The following DGKH variants were observed in gnomAD, a reference collection of about 807,000 sequenced individuals.
The protein encoded by DGKH is diacylglycerol kinase eta.
DGKH carries 90 observed loss-of-function variants against 159.3 expected under a neutral mutation model. The observed-to-expected ratio is 0.57, with a 90% confidence interval of 0.48 to 0.67. The LOEUF (loss-of-function observed/expected upper bound fraction) is 0.67, where lower values mean the gene tolerates loss of function less well. Ranked by LOEUF, DGKH falls within the 30% of genes least tolerant of loss-of-function variation. The pLI is 0.00. For missense variants in DGKH, 1,181 were observed against 1,506.1 expected (o/e 0.78, Z 3.57); for synonymous variants, 536 against 553.8 (o/e 0.97, Z 0.45).
chr13:42,077,176 CCT>C (rs1195024153), intron 1 of DGKH, among the ~76,000 whole-genome samples: 2 of 151,942 alleles, frequency 1.3e-5, no homozygotes, highest in Non-Finnish European at 2.9e-5. Flanking sequence ...TAACATAGCC[CCT>C]GAGAGACTGG....
At chr13:42,211,493 T>G (rs1957657150) in intron 24 of DGKH, among the ~76,000 whole-genome samples, 1 of 151,678 alleles carries the variant, frequency 6.6e-6, no homozygotes. Flanking sequence ...AGGTCAGGAG[T>G]TCGAGACCAG....
chr13:42,160,238 GA>G, intron 7 of DGKH, 102 bp downstream of exon 7: 1 of 1,492,952 alleles, frequency 6.7e-7, no homozygotes, highest in Non-Finnish European at 9.3e-7. Flanking sequence ...TGACAGAGCT[GA>G]ACCTGGTAGC....
At chr13:42,219,411 C>G in intron 27 of DGKH, 62 bp downstream of exon 27, 4 of 1,566,812 alleles carry the variant, frequency 2.6e-6, no homozygotes, top group Non-Finnish European at 3.5e-6. Context: ...AATTTGAACT[C>G]ATCTTTGAAA....
intron 1 of DGKH, among the ~76,000 whole-genome samples, chr13:42,090,992 C>G (rs768246473): frequency 7.2e-5 from 11 of 152,210 alleles, no homozygotes; most frequent in Non-Finnish European, 1.5e-4. Context: ...CTCACCAACA[C>G]TGAACCTGCA....
In DGKH at chr13:42,160,131, A is replaced by G; in HGVS notation, c.850A>G (p.Thr284Ala). Reference sequence around the variant, plus strand: ...GGATTGGAAATGCCTTTGGTGTAAGACAATGGTGAGGGTTTTGGAATCAGT... The same window carrying G: ...GGATTGGAAATGCCTTTGGTGTAAGGCAATGGTGAGGGTTTTGGAATCAGT... ...LQDWKCLWCK[T>A]MVHTACKDLY... Residue 284 changes from threonine to alanine, a missense_variant, in exon 7 of 30, where the codon ACA becomes GCA. Transcript: ENST00000337343. 1.2e-6 allele frequency: 2 copies of G among 1,614,238 alleles called. No individual in the cohort carries two copies. The highest frequency in any genetic ancestry group is 2.2e-5 in the South Asian group (2 of 91,088).
Position 42,241,353 on chromosome 13 carries a change from G to C in DGKH, c.*12165G>C, listed in dbSNP as rs1209719296. 2 of 152,152 alleles carry C rather than the reference G, an allele frequency of 1.3e-5. No homozygotes were observed. Among genetic ancestry groups the C allele is most frequent in the African/African-American group, 2.4e-5 (1 of 41,442 alleles). The allele number at this position is 152,152 out of a possible 1,614,324, so 9.4% of individuals were successfully genotyped here. ...ACCGAGTGTTTTTCAGGTTACTTCA[G>C]AGAGGAGTCTCCTTCCACCCAAAAA... is the stretch of plus-strand genomic sequence containing the variant. On this transcript the variant is annotated 3_prime_UTR_variant, in exon 30 of 30. Coordinates refer to ENST00000337343, the MANE Select transcript of DGKH (RefSeq NM_178009.5).
At chr13:42,055,525 A>G (rs1593958024) in intron 1 of DGKH, among the ~76,000 whole-genome samples, 1 of 152,214 alleles carries the variant, frequency 6.6e-6, no homozygotes, top group Non-Finnish European at 1.5e-5. Flanking sequence ...AAGTATCTAA[A>G]TTTAGAACTC....
At chr13:42,138,015 G>C in intron 3 of DGKH, 1 of 849,622 alleles carries the variant, frequency 1.2e-6, no homozygotes, top group Non-Finnish European at 1.4e-6. Context: ...GATAGAACAG[G>C]CCCCTTGTGA....
chr13:42,149,879 C>T (rs1955832628), intron 3 of DGKH, among the ~76,000 whole-genome samples: 1 of 152,162 alleles, frequency 6.6e-6, no homozygotes. Context: ...TTTTCAAACA[C>T]TTGTTTATTG....
rs1039075924 is a variant in DGKH, at chr13:42,238,837, T to G, written c.*9649T>G. 13 of 152,172 alleles carry G rather than the reference T, an allele frequency of 8.5e-5. No individual in the cohort carries two copies. Among genetic ancestry groups the G allele is most frequent in the Admixed American group, 4.6e-4 (7 of 15,274 alleles). The allele number at this position is 152,172 out of a possible 1,614,324, so 9.4% of individuals were successfully genotyped here. On this transcript the variant is annotated 3_prime_UTR_variant, in exon 30 of 30. Coordinates refer to ENST00000337343, the MANE Select transcript of DGKH (RefSeq NM_178009.5). ...GAGTCAGTGAACGATGACTTGATTT[T>G]TACATGACATTTGAATTCTGTCACT... is the stretch of plus-strand genomic sequence containing the variant.
intron 21 of DGKH, among the ~76,000 whole-genome samples, chr13:42,206,814 T>G (rs1957484838): frequency 6.6e-6 from 1 of 152,036 alleles, no homozygotes; most frequent in Non-Finnish European, 1.5e-5. Context: ...TCACCCAGGA[T>G]CATCCCCATC....
chr13:42,228,554 C>G (rs1375612731), intron 29 of DGKH, among the ~76,000 whole-genome samples: 6 of 151,522 alleles, frequency 4.0e-5, no homozygotes, highest in Non-Finnish European at 8.8e-5. Flanking sequence ...TTGTGGGTGC[C>G]CTGCTGTCCC....
chr13:42,203,118 A>C (rs1023664123), intron 20 of DGKH, among the ~76,000 whole-genome samples: 4 of 152,306 alleles, frequency 2.6e-5, no homozygotes, highest in Non-Finnish European at 4.4e-5. Context: ...TTAGTTTATT[A>C]TATTAATAGT....
chr13:42,173,530 G>A lies in DGKH; in HGVS notation c.1368-530G>A, dbSNP rs79817827. ...TTCTTAATTTAAGAAGGGGTATTTA[G>A]CTAATTTTCATTTTATGTATGTATA... On this transcript the variant is annotated intron_variant, in intron 11 of 29. Transcript: ENST00000337343. Among the ~76,000 whole-genome samples the A allele has an allele frequency of 3.5e-3, 539 of 152,228 alleles. 8 individuals carry two copies. The East Asian group carries it at 0.047, about 13-fold the overall frequency.
chr13:42,168,632 C>G, intron 10 of DGKH, 47 bp from the exon 11 acceptor site: 1 of 1,613,696 alleles, frequency 6.2e-7, no homozygotes, highest in East Asian at 2.2e-5. Context: ...GCAGTAGTCC[C>G]TATTTCTCAA....
chr13:42,207,082 T>C (rs61367495), intron 21 of DGKH, among the ~76,000 whole-genome samples: 18 of 134,848 alleles, frequency 1.3e-4, no homozygotes, highest in African/African-American at 4.0e-4. Context: ...TCTTTCTTTC[T>C]TTCTTTCTTT....
chr13:42,197,776 T>C (rs1367592179), intron 17 of DGKH, among the ~76,000 whole-genome samples: 1 of 152,184 alleles, frequency 6.6e-6, no homozygotes, highest in Non-Finnish European at 1.5e-5. Flanking sequence ...CTTGTTCTTG[T>C]AGGTTCCTAT....
Position 42,048,828 on chromosome 13 carries a change from G to T in DGKH, c.55G>T (p.Ala19Ser). Residue 19 changes from alanine to serine, a missense_variant, in exon 1 of 30, where the codon GCC becomes TCC. By Grantham distance (99) the Ala-to-Ser change is moderately conservative. Transcript: ENST00000337343. This position sits in a 1 kb window ranked among gnomAD's most constrained non-coding sequence, Gnocchi z 6.7. Reference sequence around the variant, plus strand: ...TCCGGGCGCCGCTGGAGGAGCGGCCGCCGGAGCCGGCGCCGCGGTCACCTC... The same window carrying T: ...TCCGGGCGCCGCTGGAGGAGCGGCCTCCGGAGCCGGCGCCGCGGTCACCTC... ...HPPGAAGGAA[A>S]GAGAAVTSAA... 7.5e-7 allele frequency: 1 copy of T among 1,339,700 alleles called. No homozygotes were observed. The highest frequency in any genetic ancestry group is 1.5e-5 in the African/African-American group (1 of 65,602). 83.0% of individuals were successfully genotyped at this position (1,339,700 alleles called of 1,614,324 possible).
chr13:42,058,304 A>G (rs1881904193), intron 1 of DGKH, among the ~76,000 whole-genome samples: 1 of 152,236 alleles, frequency 6.6e-6, no homozygotes, highest in Non-Finnish European at 1.5e-5. Flanking sequence ...GATGCATGAA[A>G]AAGTGTTATT....
Sources: gnomAD v4.1 joint callset for allele counts (sites outside exome capture counted in the v4.1 genomes callset) on GRCh38, gnomAD v4.1.1 for gene constraint, Gnocchi (gnomAD v3.1) non-coding constraint, MANE v1.5 for transcripts, NCBI Gene and HGNC (gene_info 2026-07-23, HGNC 2026-07-21) for gene names.